Variants in STK33 observed in about 807,000 individuals in gnomAD.
STK33 encodes the protein serine/threonine kinase 33.
Under a neutral mutation model 58.0 loss-of-function variants are expected in STK33, and 52 were observed. The observed-to-expected ratio is 0.90, with a 90% confidence interval of 0.72 to 1.13. STK33 has a LOEUF of 1.13. Among genes scored for constraint, STK33 ranks in the 50% most tolerant of loss-of-function variants. STK33 has a pLI of 0.00. For synonymous variants in STK33, 215 were observed against 200.1 expected (o/e 1.07, Z -0.63); for missense variants, 630 against 604.2 (o/e 1.04, Z -0.45).
intron 1 of STK33, among the ~76,000 whole-genome samples, chr11:8,505,458 C>T (rs74505675): frequency 3.3e-5 from 5 of 152,272 alleles, no homozygotes; most frequent in East Asian, 3.9e-4. Flanking sequence ...ATTCCCTCCA[C>T]GTGGGACATT....
chr11:8,565,112 C>A (rs934266825), intron 1 of STK33, among the ~76,000 whole-genome samples: 11 of 151,810 alleles, frequency 7.2e-5, no homozygotes, highest in African/African-American at 2.7e-4. Flanking sequence ...ACCAAGCCAA[C>A]AGAGAGAACA....
At chr11:8,345,540 T>A in the STK33 span, among the ~76,000 whole-genome samples, 1 of 152,220 alleles carries the variant, frequency 6.6e-6, no homozygotes, top group Non-Finnish European at 1.5e-5. Flanking sequence ...GGAAGACCCA[T>A]TCATAGCATG....
chr11:8,468,926 C>A (rs1591318231), intron 6 of STK33, among the ~76,000 whole-genome samples: 1 of 152,076 alleles, frequency 6.6e-6, no homozygotes, highest in Non-Finnish European at 1.5e-5. Flanking sequence ...AGCATTATGT[C>A]TAAAAATGTA....
chr11:8,337,725 C>T, the STK33 span, among the ~76,000 whole-genome samples: 2 of 150,882 alleles, frequency 1.3e-5, no homozygotes, highest in South Asian at 4.2e-4. Context: ...CCCCCGCCCC[C>T]AGTCCTCACT....
chr11:8,588,878 A>T (rs1302970452), intron 1 of STK33, among the ~76,000 whole-genome samples: 1 of 152,238 alleles, frequency 6.6e-6, no homozygotes, highest in East Asian at 1.9e-4. Context: ...TCTCCAAAGA[A>T]GATATACAAA....
At position 8,413,547 on chromosome 11, in the gene STK33, C is replaced by G; in HGVS notation, c.1292G>C (p.Trp431Ser). ...GTAATTGGCATCAGGGACATTTCCC[C>G]AGGGTTGGTAACTTTTCAACTTTTC... ...TEEKLKSYQP[W>S]GNVPDANYTS... Residue 431 changes from tryptophan to serine, a missense_variant, in exon 15 of 16, where the codon TGG (tryptophan) becomes TCG (serine). Trp to Ser is a radical substitution (Grantham distance 177). Coordinates refer to ENST00000687296, the MANE Select transcript of STK33 (RefSeq NM_001352389.2). The G allele has an allele frequency of 1.2e-6, 2 of 1,614,050 alleles. No homozygotes were observed. The highest frequency in any genetic ancestry group is 1.7e-6 in the Non-Finnish European group (2 of 1,179,956).
chr11:8,445,166 T>TAA (rs1945272038), intron 11 of STK33, among the ~76,000 whole-genome samples: 1 of 151,750 alleles, frequency 6.6e-6, no homozygotes, highest in Non-Finnish European at 1.5e-5. Context: ...GGGAGTTCCC[T>TAA]CGATTTGGCT....
In STK33 at chr11:8,460,529, G is replaced by A. The variant is rs368558975; in HGVS notation, c.558+1276C>T. Among the ~76,000 whole-genome samples the A allele has an allele frequency of 2.2e-4, 33 of 152,084 alleles. 1 individual carries two copies. In the East Asian group the frequency reaches 5.8e-3, roughly 27 times the overall value. ...GGAGATAAAAAATGATTTAAAAAAT[G>A]AACAGAGCATCAGTGAACTGTGGAC... On this transcript the variant is annotated intron_variant, in intron 8 of 15. Transcript: ENST00000687296.
At chr11:8,424,209 G>T (rs1942376667) in intron 14 of STK33, among the ~76,000 whole-genome samples, 1 of 143,774 alleles carries the variant, frequency 7.0e-6, no homozygotes, top group African/African-American at 2.6e-5. Flanking sequence ...TCATTGTTCA[G>T]TTCCCACCTA....
chr11:8,532,271 A>G (rs1320437945), intron 1 of STK33, among the ~76,000 whole-genome samples: 1 of 152,270 alleles, frequency 6.6e-6, no homozygotes, highest in East Asian at 1.9e-4. Flanking sequence ...TTAGCAAACT[A>G]TGGCCCAGTG....
At chr11:8,583,718 G>A (rs2030885637) in intron 1 of STK33, among the ~76,000 whole-genome samples, 1 of 152,040 alleles carries the variant, frequency 6.6e-6, no homozygotes, top group Admixed American at 6.6e-5. Flanking sequence ...CATATCCTCT[G>A]AAATAAGTTA....
the STK33 span, among the ~76,000 whole-genome samples, chr11:8,353,941 G>A: frequency 1.3e-5 from 2 of 152,156 alleles, no homozygotes; most frequent in African/African-American, 4.8e-5. Flanking sequence ...GGCAGCCATG[G>A]GCCACAGCTG....
chr11:8,575,550 T>A (rs559135357), intron 1 of STK33, among the ~76,000 whole-genome samples: 68 of 152,166 alleles, frequency 4.5e-4, no homozygotes, highest in African/African-American at 1.5e-3. Context: ...AATAGGCAAA[T>A]TCGTGGAGAC....
intron 1 of STK33, among the ~76,000 whole-genome samples, chr11:8,488,107 T>C (rs1300650606): frequency 6.6e-6 from 1 of 152,228 alleles, no homozygotes; most frequent in Non-Finnish European, 1.5e-5. Flanking sequence ...TTTTACCATC[T>C]AGTGGTTCCC....
intron 1 of STK33, among the ~76,000 whole-genome samples, chr11:8,534,183 G>A (rs1383491560): frequency 6.6e-6 from 1 of 151,980 alleles, no homozygotes; most frequent in Admixed American, 6.6e-5. Context: ...GCTGAGGCAG[G>A]AGAATCGCTT....
intron 7 of STK33, among the ~76,000 whole-genome samples, 163 bp downstream of exon 7, chr11:8,464,546 C>T (rs1042589196): frequency 6.6e-6 from 1 of 151,922 alleles, no homozygotes; most frequent in Non-Finnish European, 1.5e-5. Flanking sequence ...GAAACTAGTC[C>T]CTTTCCGGGA....
rs1351760150 is a variant in STK33 at position 8,416,641 on chromosome 11, A to G, written c.1147-2949T>C. Among the ~76,000 whole-genome samples, 5 of 152,174 alleles carry G rather than the reference A, an allele frequency of 3.3e-5. No homozygotes were observed. The East Asian group carries it at 9.6e-4, about 29-fold the overall frequency. On this transcript the variant is annotated intron_variant, in intron 14 of 15. Coordinates refer to ENST00000687296, the MANE Select transcript of STK33 (RefSeq NM_001352389.2). ...ATCTGCATCTCTAGCAATCTTTCAA[A>G]TGCCTGGTTCACATACACATACACC... is the stretch of plus-strand genomic sequence containing the variant.
intron 1 of STK33, among the ~76,000 whole-genome samples, chr11:8,543,303 A>C (rs1955666075): frequency 6.6e-6 from 1 of 152,258 alleles, no homozygotes; most frequent in Admixed American, 6.5e-5. Flanking sequence ...TATATTTTTA[A>C]CTATGGGAAT....
intron 1 of STK33, among the ~76,000 whole-genome samples, chr11:8,542,671 C>A (rs1955612075): frequency 1.3e-5 from 2 of 152,044 alleles, no homozygotes; most frequent in African/African-American, 4.8e-5. Flanking sequence ...TTGGATGATG[C>A]AAAAATACTT....
Sources: gnomAD v4.1 joint callset for allele counts (sites outside exome capture counted in the v4.1 genomes callset) on GRCh38, gnomAD v4.1.1 for gene constraint, MANE v1.5 for transcripts, NCBI Gene and HGNC (gene_info 2026-07-23, HGNC 2026-07-21) for gene names.